The following ST13 variants were observed in gnomAD, a reference collection of about 807,000 sequenced individuals.
The protein encoded by ST13 is ST13 Hsp70 interacting protein.
ST13 carries 23 observed loss-of-function variants against 56.7 expected under a neutral mutation model. The observed-to-expected ratio is 0.41, with a 90% CI of 0.29 to 0.57. The LOEUF (loss-of-function observed/expected upper bound fraction) is 0.57, where lower values mean the gene tolerates loss of function less well. ST13 is among the 20% of genes least tolerant of loss of function. ST13 has a pLI of 0.36. For missense variants in ST13, 369 were observed against 459.9 expected, an observed-to-expected ratio of 0.80 and a Z score of 1.81; for synonymous variants, 132 against 142.4, an observed-to-expected ratio of 0.93 and a Z score of 0.52.
Position 40,856,596 on chromosome 22 carries a change from C to G in ST13, c.-56G>C. On this transcript the variant is annotated 5_prime_UTR_variant, in exon 1 of 12. Coordinates refer to ENST00000216218, the MANE Select transcript of ST13 (RefSeq NM_003932.5). ...GCTACGGCCCGGTTCCAGGCCCAGG[C>G]GCTGGCTCGGCGTGACCGCGCAGAA... 4 of 1,487,326 alleles carry G rather than the reference C, an allele frequency of 2.7e-6. No individual in the cohort carries two copies. Among genetic ancestry groups the G allele is most frequent in the Admixed American group, 1.7e-5 (1 of 59,418 alleles). 92.1% of individuals were successfully genotyped at this position (1,487,326 alleles called of 1,614,324 possible). A position where few individuals can be genotyped will look rare whatever the true frequency, so the allele number is the denominator to read the frequency against.
Position 40,852,400 on chromosome 22 carries a change from T to C in ST13, c.111-1520A>G, listed in dbSNP as rs534412724. On this transcript the variant is annotated intron_variant, in intron 1 of 11. Coordinates refer to ENST00000216218, the MANE Select transcript of ST13 (RefSeq NM_003932.5). ...GATTGTCCTTCTTTATTTGAAGGTG[T>C]TGTCTGTATTCTGCATATGAACCCT... 4.6e-5 allele frequency among the ~76,000 whole-genome samples: 7 copies of C among 152,336 alleles called. No individual in the cohort carries two copies. In the East Asian group the frequency reaches 1.2e-3, roughly 25 times the overall value.
chr22:40,846,295 CTCACCCA>C (rs1027038312), intron 3 of ST13, among the ~76,000 whole-genome samples: 96 of 152,156 alleles, frequency 6.3e-4, no homozygotes, highest in African/African-American at 2.3e-3. Context: ...TGAAATGATT[CTCACCCA>C]TCATATTAAT....
At chr22:40,832,295 A>G (rs1446227763) in intron 8 of ST13, 1 of 502,924 alleles carries the variant, frequency 2.0e-6, no homozygotes, top group African/African-American at 1.9e-5. Context: ...CTTGTTGTAA[A>G]CCTGATACCC....
intron 5 of ST13, among the ~76,000 whole-genome samples, chr22:40,839,790 T>A: frequency 6.7e-6 from 1 of 149,054 alleles, no homozygotes; most frequent in East Asian, 2.0e-4. Context: ...AAAATACAAC[T>A]GAAAAACAGA....
chr22:40,830,685 T>C (rs1013272903), intron 9 of ST13, among the ~76,000 whole-genome samples, 155 bp downstream of exon 9: 3 of 152,184 alleles, frequency 2.0e-5, no homozygotes, highest in Admixed American at 6.5e-5. Context: ...CCAAATTAGA[T>C]ACAGTGAAAG....
chr22:40,849,446 C>T (rs1442652479), intron 2 of ST13, among the ~76,000 whole-genome samples: 3 of 143,472 alleles, frequency 2.1e-5, no homozygotes, highest in Non-Finnish European at 3.0e-5. Context: ...CACCACTGCA[C>T]TCCAGCCTGG....
Position 40,856,636 on chromosome 22 carries a change from C to T in ST13, c.-96G>A, listed in dbSNP as rs111240213. On this transcript the variant is annotated 5_prime_UTR_variant, in exon 1 of 12. Coordinates refer to ENST00000216218, the MANE Select transcript of ST13 (RefSeq NM_003932.5). Reference sequence around the variant, plus strand: ...ACCGCGCAGAAGGGGGCGGCTGCCGCAAGACAGAACAGACTAGAACCTCCC... The same window carrying T: ...ACCGCGCAGAAGGGGGCGGCTGCCGTAAGACAGAACAGACTAGAACCTCCC... 1 of 941,188 alleles carries T rather than the reference C, an allele frequency of 1.1e-6. No individual in the cohort carries two copies. Among genetic ancestry groups the T allele is most frequent in the Non-Finnish European group, 1.7e-6 (1 of 590,148 alleles). The allele number at this position is 941,188 out of a possible 1,614,324, so 58.3% of individuals were successfully genotyped here. A position where few individuals can be genotyped will look rare whatever the true frequency, so the allele number is the denominator to read the frequency against.
chr22:40,850,439 A>G (rs2057855693), intron 2 of ST13, among the ~76,000 whole-genome samples: 1 of 152,216 alleles, frequency 6.6e-6, no homozygotes, highest in African/African-American at 2.4e-5. Flanking sequence ...GAGCAAAAAA[A>G]TTAAATTACT....
At chr22:40,839,494 G>T (rs1346473966) in intron 5 of ST13, among the ~76,000 whole-genome samples, 1 of 152,216 alleles carries the variant, frequency 6.6e-6, no homozygotes, top group Non-Finnish European at 1.5e-5. Context: ...GCCGGGCGCA[G>T]TGGTTCGCGT....
intron 7 of ST13, chr22:40,835,257 C>T (rs1256786595): frequency 2.0e-5 from 4 of 195,920 alleles, no homozygotes; most frequent in Non-Finnish European, 4.2e-5. Context: ...AGTAAAAATC[C>T]TTTCCTTATA....
chr22:40,849,198 C>G (rs1320504197), intron 2 of ST13, among the ~76,000 whole-genome samples: 1 of 152,102 alleles, frequency 6.6e-6, no homozygotes, highest in South Asian at 2.1e-4. Flanking sequence ...AGAACCAAGG[C>G]AGGGCGCAGT....
rs764248266 is a variant in ST13 at position 40,835,849 on chromosome 22, T to C, written c.421A>G (p.Ile141Val). The C allele has an allele frequency of 6.2e-7, 1 of 1,613,474 alleles. No homozygotes were observed. Among genetic ancestry groups the C allele is most frequent in the Non-Finnish European group, 8.5e-7 (1 of 1,180,012 alleles). The stretch of plus-strand genomic sequence containing the variant: ...ATGGCCAAGCGAGGATTCAGCTTGA[T>C]GGCATCTGTGAATAAGTCAATGGCT... ...QKAIDLFTDA[I>V]KLNPRLAILY... Residue 141 changes from isoleucine (I) to valine (V), a missense_variant, in exon 6 of 12, where the codon ATC becomes GTC. Coordinates refer to ENST00000216218, the MANE Select transcript of ST13 (RefSeq NM_003932.5).
At chr22:40,849,332 G>GC (rs2057849030) in intron 2 of ST13, among the ~76,000 whole-genome samples, 1 of 151,772 alleles carries the variant, frequency 6.6e-6, no homozygotes, top group South Asian at 2.1e-4. Flanking sequence ...AAAAAAATTA[G>GC]CCGGACGTGG....
At chr22:40,844,950 C>A (rs1463577745) in intron 3 of ST13, 41 bp from the exon 4 acceptor site, 2 of 1,446,132 alleles carry the variant, frequency 1.4e-6, no homozygotes, top group South Asian at 1.2e-5. Context: ...CTGCACCGTA[C>A]AATATAGTAG....
At chr22:40,849,864 A>G (rs2057852321) in intron 2 of ST13, among the ~76,000 whole-genome samples, 1 of 152,090 alleles carries the variant, frequency 6.6e-6, no homozygotes, top group South Asian at 2.1e-4. Flanking sequence ...TCTAAATAAT[A>G]AAACAGCTAT....
intron 5 of ST13, among the ~76,000 whole-genome samples, chr22:40,839,456 T>C (rs544563550): frequency 5.3e-4 from 80 of 152,218 alleles, no homozygotes; most frequent in African/African-American, 1.9e-3. Context: ...TTATAACCGA[T>C]CAAACATTAC....
chr22:40,844,763 G>C, intron 4 of ST13, 76 bp downstream of exon 4: 4 of 1,222,054 alleles, frequency 3.3e-6, no homozygotes, highest in Non-Finnish European at 4.7e-6. Context: ...TGGAAGAATC[G>C]TGTCATAAAA....
intron 3 of ST13, among the ~76,000 whole-genome samples, chr22:40,847,882 A>C (rs1378869563): frequency 6.6e-6 from 1 of 152,076 alleles, no homozygotes; most frequent in Non-Finnish European, 1.5e-5. Flanking sequence ...GCCCGTCTTT[A>C]CTAAAATTAT....
intron 7 of ST13, 44 bp from the exon 8 acceptor site, chr22:40,832,715 TCA>T (rs1171810717): frequency 7.3e-7 from 1 of 1,373,358 alleles, no homozygotes; most frequent in East Asian, 2.3e-5. Flanking sequence ...TTATACATAT[TCA>T]CCTATGTGGC....
Sources: allele counts gnomAD v4.1 joint callset (sites outside exome capture counted in the v4.1 genomes callset), GRCh38; gene constraint gnomAD v4.1.1; transcripts MANE v1.5; gene names NCBI Gene and HGNC (gene_info 2026-07-23, HGNC 2026-07-21).